TUBGCP5: variants seen among roughly 807,000 people sequenced by gnomAD.
TUBGCP5 encodes the protein gamma-tubulin complex component 5.
A neutral mutation model predicts 134.7 loss-of-function variants in TUBGCP5; 98 were observed. That is an observed-to-expected ratio of 0.73 (90% CI 0.62 to 0.86). The LOEUF is 0.86. Ranked by LOEUF, TUBGCP5 falls within the 40% of genes least tolerant of loss-of-function variation. The pLI is 0.00. For synonymous variants in TUBGCP5, 456 were observed against 431.4 expected (o/e 1.06, Z -0.71); for missense variants, 1,150 against 1,244.8 (o/e 0.92, Z 1.15).
chr15:23,000,339 A>T, intron 22 of TUBGCP5: 1 of 1,276,846 alleles, frequency 7.8e-7, no homozygotes, highest in Non-Finnish European at 9.9e-7. Flanking sequence ...GAGTTTTAGA[A>T]ATCTGTTGTA....
chr15:23,019,670 G>A (rs953674809), intron 11 of TUBGCP5, among the ~76,000 whole-genome samples: 4 of 151,852 alleles, frequency 2.6e-5, no homozygotes, highest in South Asian at 2.1e-4. Flanking sequence ...GGTGACACGC[G>A]CCTGTAGTCC....
At chr15:22,993,528 T>TG (rs2063927873) in intron 23 of TUBGCP5, among the ~76,000 whole-genome samples, 1 of 80,710 alleles carries the variant, frequency 1.2e-5, no homozygotes, top group East Asian at 2.9e-4. Flanking sequence ...CCCCGAAGTT[T>TG]TTTTTTTTTT....
chr15:23,037,356 C>T (rs1037577801), intron 1 of TUBGCP5, among the ~76,000 whole-genome samples: 3 of 152,130 alleles, frequency 2.0e-5, no homozygotes, highest in Non-Finnish European at 4.4e-5. Flanking sequence ...TTCTCCAGCA[C>T]ACAGGTTCTT....
intron 3 of TUBGCP5, 73 bp downstream of exon 3, chr15:23,036,824 C>T (rs569962466): frequency 9.4e-7 from 1 of 1,063,650 alleles, no homozygotes; most frequent in Non-Finnish European, 1.4e-6. Flanking sequence ...TAAACAGTAA[C>T]TGAAACAAAT....
chr15:22,990,742 T>C (rs899829567), intron 23 of TUBGCP5, among the ~76,000 whole-genome samples: 1 of 152,140 alleles, frequency 6.6e-6, no homozygotes, highest in Non-Finnish European at 1.5e-5. Context: ...AAAAGAGTCT[T>C]AGCAGATCTA....
intron 13 of TUBGCP5, among the ~76,000 whole-genome samples, chr15:23,015,251 A>G (rs1379612114): frequency 6.6e-6 from 1 of 151,806 alleles, no homozygotes; most frequent in African/African-American, 2.4e-5. Flanking sequence ...ACATCTAGCT[A>G]ATTTTTATAT....
At chr15:23,026,007 C>A (rs2065961619) in intron 8 of TUBGCP5, 109 bp downstream of exon 8, 2 of 801,868 alleles carry the variant, frequency 2.5e-6, no homozygotes, top group Non-Finnish European at 4.0e-6. Flanking sequence ...CCTAATGGAC[C>A]TTTTCTAGTT....
chr15:23,009,952 C>A lies in TUBGCP5; in HGVS notation c.2137G>T (p.Asp713Tyr), dbSNP rs372469011. 1.2e-6 allele frequency: 2 copies of A among 1,611,810 alleles called. No individual in the cohort carries two copies. The highest frequency in any genetic ancestry group is 1.7e-6 in the Non-Finnish European group (2 of 1,178,834). The change falls in exon 15 of 23, where the codon GAT becomes TAT. Residue 713 changes from aspartate to tyrosine, a missense_variant. Transcript: ENST00000615383. ...ATTAAATTACTCTTTTACCTGTAAT[C>A]TTTTTTTAGAGTTTGCATGAGATTT... is the stretch of plus-strand genomic sequence containing the variant. ...CGNLMQTLKK[D>Y]YRLVEYLQAM...
Position 23,024,774 on chromosome 15 carries a change from G to C in TUBGCP5, c.884C>G (p.Thr295Ser). The C allele has an allele frequency of 6.3e-7, 1 of 1,592,678 alleles. No homozygotes were observed. Residue 295 changes from threonine to serine, a missense_variant, in exon 9 of 23, where the codon ACT becomes AGT. By Grantham distance (58) the Thr-to-Ser change is moderately conservative. Around this residue, in one of 2 missense-constraint regions of TUBGCP5, gnomAD observed 453 missense variants for 394.7 expected, o/e 1.15. Coordinates refer to ENST00000615383, the MANE Select transcript of TUBGCP5 (RefSeq NM_052903.6). Reference sequence around the variant, plus strand: ...AGTTACTATAATATTGTTTCTCACAGTTACCTTCCCATCTATCAACTGAAA... The same window carrying C: ...AGTTACTATAATATTGTTTCTCACACTTACCTTCCCATCTATCAACTGAAA... ...FIFQLIDGKV[T>S]VRNNIIVTHL...
At chr15:23,026,656 G>C (rs914699644) in intron 7 of TUBGCP5, among the ~76,000 whole-genome samples, 1 of 152,092 alleles carries the variant, frequency 6.6e-6, no homozygotes, top group African/African-American at 2.4e-5. Flanking sequence ...ACACCAGCCA[G>C]GTGTGCTGGC....
At chr15:23,034,041 G>A (rs982432213) in intron 3 of TUBGCP5, among the ~76,000 whole-genome samples, 2 of 152,214 alleles carry the variant, frequency 1.3e-5, no homozygotes, top group Non-Finnish European at 2.9e-5. Flanking sequence ...TGGCCAGCTT[G>A]TGGTAACTGA....
At position 23,000,683 on chromosome 15, in the gene TUBGCP5, T is replaced by C; in HGVS notation, c.2928-14A>G. On this transcript the variant is annotated splice_polypyrimidine_tract_variant and intron_variant, in intron 21 of 22. Transcript: ENST00000615383. ...ATAGATTCCATTCTAGGAATAAAAG[T>C]AAATTTCAATTAAGTAAGTGCATTG... is the stretch of plus-strand genomic sequence containing the variant. 6.3e-7 allele frequency: 1 copy of C among 1,577,918 alleles called. No individual in the cohort carries two copies. The highest frequency in any genetic ancestry group is 8.7e-7 in the Non-Finnish European group (1 of 1,153,740).
At chr15:23,010,935 C>A (rs1231866852) in intron 14 of TUBGCP5, among the ~76,000 whole-genome samples, 198 bp downstream of exon 14, 1 of 151,192 alleles carries the variant, frequency 6.6e-6, no homozygotes, top group Non-Finnish European at 1.5e-5. Flanking sequence ...CAGCCAAGAT[C>A]ACACCACTAC....
chr15:23,009,223 A>G (rs2064894601), intron 15 of TUBGCP5, among the ~76,000 whole-genome samples: 1 of 151,956 alleles, frequency 6.6e-6, no homozygotes, highest in Admixed American at 6.6e-5. Flanking sequence ...CTATGTGTTA[A>G]GAAAACCTAG....
chr15:23,034,549 C>T (rs1009041763), intron 3 of TUBGCP5, among the ~76,000 whole-genome samples: 1 of 152,172 alleles, frequency 6.6e-6, no homozygotes, highest in Non-Finnish European at 1.5e-5. Context: ...ACCCAGTAGA[C>T]TGGCATGAGC....
intron 20 of TUBGCP5, among the ~76,000 whole-genome samples, 193 bp from the exon 21 acceptor site, chr15:23,003,346 T>C (rs915730065): frequency 6.6e-6 from 1 of 152,226 alleles, no homozygotes; most frequent in Non-Finnish European, 1.5e-5. Flanking sequence ...GAATGTAAGA[T>C]ACAAGTGATA....
At chr15:22,988,715 G>C (rs1243064590) in intron 23 of TUBGCP5, among the ~76,000 whole-genome samples, 3 of 141,782 alleles carry the variant, frequency 2.1e-5, no homozygotes, top group Non-Finnish European at 4.5e-5. Context: ...CAGCCTGGAC[G>C]ACAGAGCGAG....
intron 16 of TUBGCP5, among the ~76,000 whole-genome samples, chr15:23,006,669 TCTG>T (rs2064732217): frequency 6.6e-6 from 1 of 152,130 alleles, no homozygotes; most frequent in African/African-American, 2.4e-5. Context: ...AGATGAAGCC[TCTG>T]CTGAGGTTGG....
At chr15:22,989,152 C>G (rs1036918975) in intron 23 of TUBGCP5, among the ~76,000 whole-genome samples, 1 of 152,108 alleles carries the variant, frequency 6.6e-6, no homozygotes, top group Non-Finnish European at 1.5e-5. Context: ...GGACTAGCAA[C>G]CCTAATTCCA....
Sources: allele counts gnomAD v4.1 joint callset (sites outside exome capture counted in the v4.1 genomes callset), GRCh38; gene constraint gnomAD v4.1.1; regional missense constraint gnomAD v4.1.1; transcripts MANE v1.5; gene names NCBI Gene and HGNC (gene_info 2026-07-23, HGNC 2026-07-21).